Variants in PRSS36 observed in about 807,000 individuals in gnomAD.
PRSS36 encodes polyserase-2.
PRSS36 carries 90 observed loss-of-function variants against 94.3 expected under a neutral mutation model. The ratio of observed to expected loss-of-function variants is 0.95; its 90% CI spans 0.80 to 1.14. The LOEUF (loss-of-function observed/expected upper bound fraction) is 1.14, where lower values mean the gene tolerates loss of function less well. Among genes scored for constraint, PRSS36 ranks in the 50% most tolerant of loss-of-function variants. The probability of loss-of-function intolerance (pLI) is 0.00; values close to 1 mark genes in which losing one functional copy is unlikely to be tolerated. For missense variants in PRSS36, 1,158 were observed against 1,135.0 expected, an observed-to-expected ratio of 1.02 and a Z score of -0.29; for synonymous variants, 500 against 489.6, an observed-to-expected ratio of 1.02 and a Z score of -0.28.
chr16:31,143,181 C>T (rs917423998), intron 8 of PRSS36, among the ~76,000 whole-genome samples, 161 bp downstream of exon 8: 1 of 152,124 alleles, frequency 6.6e-6, no homozygotes, highest in African/African-American at 2.4e-5. Context: ...CCTCTACCCA[C>T]CCCTGCCAGG....
At position 31,148,298 on chromosome 16, in the gene PRSS36, G is replaced by A. The variant is rs1291134378; in HGVS notation, c.553+97C>T. On this transcript the variant is annotated intron_variant, in intron 5 of 14. Coordinates refer to ENST00000268281, the MANE Select transcript of PRSS36 (RefSeq NM_173502.5). The stretch of plus-strand genomic sequence containing the variant: ...CCCTCCAACGCTCCCCGCAGGCTCC[G>A]CTCCGTGGCCCCACCTCCTGAGGCC... The A allele has an allele frequency of 4.5e-6, 6 of 1,338,288 alleles. No individual in the cohort carries two copies. The Admixed American group carries it at 1.1e-4, about 25-fold the overall frequency. 82.9% of individuals were successfully genotyped at this position (1,338,288 alleles called of 1,614,324 possible).
Position 31,149,125 on chromosome 16 carries a change from C to A in PRSS36, c.220G>T (p.Gly74Cys). Reference protein sequence around the residue: ...LHHGGGHICGGSLIAPSWVLS... With the variant: ...LHHGGGHICGCSLIAPSWVLS... ...ACCCAGGAGGGGGCGATGAGGGAGC[C>A]CCCGCAGATGTGGCCACCTCCATGG... is the stretch of plus-strand genomic sequence containing the variant. The change falls in exon 4 of 15, where the codon GGC (glycine) becomes TGC (cysteine). Residue 74 changes from glycine (G) to cysteine (C), a missense_variant. Gly to Cys is a radical substitution (Grantham distance 159). Coordinates refer to ENST00000268281, the MANE Select transcript of PRSS36 (RefSeq NM_173502.5). The A allele has an allele frequency of 6.3e-7, 1 of 1,585,354 alleles. No homozygotes were observed. The highest frequency in any genetic ancestry group is 8.6e-7 in the Non-Finnish European group (1 of 1,167,412).
chr16:31,140,596 C>CG lies in PRSS36; in HGVS notation c.2062dup (p.Arg688ProfsTer51). The CG allele has an allele frequency of 6.2e-7, 1 of 1,607,974 alleles. No individual in the cohort carries two copies. Among genetic ancestry groups the CG allele is most frequent in the Non-Finnish European group, 8.5e-7 (1 of 1,176,862 alleles). On this transcript the variant is annotated frameshift_variant, in exon 13 of 15. Coordinates refer to ENST00000268281, the MANE Select transcript of PRSS36 (RefSeq NM_173502.5). LOFTEE classifies it high-confidence loss of function. ...CAGGGCTGATGGGGAGGGCTCCACCCGGGAGCTCAGCTCCAGGAGGGCCAG... is the reference window on the plus strand; with the variant it reads ...CAGGGCTGATGGGGAGGGCTCCACCCGGGGAGCTCAGCTCCAGGAGGGCCAG...
Position 31,143,448 on chromosome 16 carries a change from C to T in PRSS36, c.994G>A (p.Gly332Arg). The change falls in exon 8 of 15, where the codon GGG becomes AGG. Residue 332 changes from glycine (G) to arginine (R), a missense_variant. Physicochemically the swap from Gly to Arg is moderately radical, Grantham distance 125. Transcript: ENST00000268281. ...ACCTGGGCCTCCCAGGGCCAGGCCC[C>T]TGGCCGCGGGGCCTTCCCGCACTCT... The part of the protein sequence containing the change: ...LPECGKAPRP[G>R]AWPWEAQVMV... 1 of 1,610,902 alleles carries T rather than the reference C, an allele frequency of 6.2e-7. No homozygotes were observed. The highest frequency in any genetic ancestry group is 1.1e-5 in the South Asian group (1 of 90,814).
In PRSS36 at chr16:31,139,261, G is replaced by A. The variant is rs2057640441; in HGVS notation, c.2445C>T (p.Pro815=). Residue 815 remains proline, a synonymous_variant, in exon 15 of 15, where the codon CCC becomes CCT. Transcript: ENST00000268281. ...QTVGEANFLP[P]SGSPHWPTGG... ...CAGTGGGCCAGTGTGGGGAGCCACTGGGGGGCAGGAAGTTGGCCTCTCCCA... is the reference window on the plus strand; with the variant it reads ...CAGTGGGCCAGTGTGGGGAGCCACTAGGGGGCAGGAAGTTGGCCTCTCCCA... The A allele has an allele frequency of 2.5e-6, 4 of 1,614,134 alleles. No individual in the cohort carries two copies. Among genetic ancestry groups the A allele is most frequent in the Admixed American group, 1.7e-5 (1 of 60,014 alleles).
In PRSS36 at chr16:31,145,197, G is replaced by A. The variant is rs555186535; in HGVS notation, c.720+592C>T. The stretch of plus-strand genomic sequence containing the variant: ...ATCCTGGCTAACCTGGTGAAATCCC[G>A]TGTCTACTAAAAATACAAAAAAAAA... On this transcript the variant is annotated intron_variant, in intron 6 of 14. Coordinates refer to ENST00000268281, the MANE Select transcript of PRSS36 (RefSeq NM_173502.5). Among the ~76,000 whole-genome samples the A allele has an allele frequency of 2.6e-4, 40 of 151,390 alleles. 1 individual carries two copies. In the Middle Eastern group the frequency reaches 0.02, roughly 77 times the overall value.
Position 31,139,168 on chromosome 16 carries a change from C to T in PRSS36, c.2538G>A (p.Leu846=). The change falls in exon 15 of 15, where the codon CTG becomes CTA. Residue 846 remains leucine (L), a synonymous_variant. Coordinates refer to ENST00000268281, the MANE Select transcript of PRSS36 (RefSeq NM_173502.5). ...TCTGGATCAGGAGAGTCAGCAGGAGCAGGAAGTAGACTGCATGCGGGGATC... is the reference window on the plus strand; with the variant it reads ...TCTGGATCAGGAGAGTCAGCAGGAGTAGGAAGTAGACTGCATGCGGGGATC... The part of the protein sequence containing the change: ...ASGSPHAVYF[L]LLLTLLIQS 6.3e-7 allele frequency: 1 copy of T among 1,584,716 alleles called. No individual in the cohort carries two copies. Among genetic ancestry groups the T allele is most frequent in the Non-Finnish European group, 8.6e-7 (1 of 1,162,566 alleles).
chr16:31,148,830 G>A (rs1878590170), intron 4 of PRSS36, 155 bp from the exon 5 acceptor site: 2 of 1,075,472 alleles, frequency 1.9e-6, no homozygotes, highest in Non-Finnish European at 2.7e-6. Context: ...CCGATTTGGA[G>A]CTGGTGGTGG....
Position 31,149,232 on chromosome 16 carries a change from C to G in PRSS36, c.113G>C (p.Cys38Ser). 1 of 1,554,912 alleles carries G rather than the reference C, an allele frequency of 6.4e-7. No individual in the cohort carries two copies. The change falls in exon 4 of 15, where the codon TGC becomes TCC. Residue 38 changes from cysteine (C) to serine (S), a missense_variant. Coordinates refer to ENST00000268281, the MANE Select transcript of PRSS36 (RefSeq NM_173502.5). The part of the protein sequence containing the change: ...PTQEEPEDLD[C>S]GRPEPSARIV... ...GCGGGCCGAGGGCTCAGGGCGCCCG[C>G]AGTCTGCAACGGGGAGCCGTGGAAG...
chr16:31,148,271 T>C, intron 5 of PRSS36, 124 bp downstream of exon 5: 1 of 1,077,214 alleles, frequency 9.3e-7, no homozygotes, highest in Non-Finnish European at 1.3e-6. Context: ...CGCAGAAACC[T>C]ACCCTCCAAC....
rs1219216295 is a variant in PRSS36, at chr16:31,142,841, G to A, written c.1253C>T (p.Thr418Met). The change falls in exon 9 of 15, where the codon ACG becomes ATG. Residue 418 changes from threonine to methionine, a missense_variant. By Grantham distance (81) the Thr-to-Met change is moderately conservative. Coordinates refer to ENST00000268281, the MANE Select transcript of PRSS36 (RefSeq NM_173502.5). ...ASDLALLQLR[T>M]PVNLSAASRP... ...CGAAGCCGCGCTCAGGTTCACGGGC[G>A]TGCGCAGCTGCAGCAGCGCCAGGTC... 3.2e-6 allele frequency: 5 copies of A among 1,554,432 alleles called. No individual in the cohort carries two copies. Among genetic ancestry groups the A allele is most frequent in the East Asian group, 2.6e-5 (1 of 38,974 alleles).
chr16:31,148,993 G>A, intron 4 of PRSS36, 80 bp downstream of exon 4: 1 of 1,384,892 alleles, frequency 7.2e-7, no homozygotes, highest in Non-Finnish European at 9.7e-7. Flanking sequence ...GGACGGAAGT[G>A]GGGCGGGAGG....
In PRSS36 at chr16:31,140,199, A is replaced by AG. The variant is rs974458823; in HGVS notation, c.2289+94_2289+95insC. The AG allele has an allele frequency of 5.0e-3, 5,988 of 1,194,142 alleles. 1 individual carries two copies. The highest frequency in any genetic ancestry group is 6.3e-3 in the South Asian group (338 of 53,528). The allele number at this position is 1,194,142 out of a possible 1,614,324, so 74.0% of individuals were successfully genotyped here. A position where few individuals can be genotyped will look rare whatever the true frequency, so the allele number is the denominator to read the frequency against. ...AGTGAGACTCTGTCTCAAAAAAAAA[A>AG]AAAAAAAAAAATTCCAATTCTGCTA... On this transcript the variant is annotated intron_variant, in intron 14 of 14. Transcript: ENST00000268281.
intron 12 of PRSS36, among the ~76,000 whole-genome samples, chr16:31,141,258 G>A (rs1306036006): frequency 6.6e-6 from 1 of 152,136 alleles, no homozygotes; most frequent in African/African-American, 2.4e-5. Flanking sequence ...ACTATTTTAA[G>A]AGTCCTTTGG....
In PRSS36 at chr16:31,143,253, C is replaced by A; in HGVS notation, c.1100+89G>T. The A allele has an allele frequency of 1.3e-5, 19 of 1,506,920 alleles. No individual in the cohort carries two copies. In the South Asian group the frequency reaches 2.3e-4, roughly 18 times the overall value. 93.3% of individuals were successfully genotyped at this position (1,506,920 alleles called of 1,614,324 possible). A position where few individuals can be genotyped will look rare whatever the true frequency, so the allele number is the denominator to read the frequency against. ...CGAATGGGACCCCGCCCCCCCCACACCCCCTGGGGAGGGGCTGGGGCCGAA... is the reference window on the plus strand; with the variant it reads ...CGAATGGGACCCCGCCCCCCCCACAACCCCTGGGGAGGGGCTGGGGCCGAA... On this transcript the variant is annotated intron_variant, in intron 8 of 14. Coordinates refer to ENST00000268281, the MANE Select transcript of PRSS36 (RefSeq NM_173502.5).
In PRSS36 at chr16:31,142,535, C is replaced by T; in HGVS notation, c.1467G>A (p.Pro489=). ...QGAAVPLPGD[P]PHALCPAYQE... is the part of the protein sequence containing the mutation. ...GGTAGGCAGGGCAGAGCGCGTGCGG[C>T]GGGTCTCCGGGCAGCGGTACTGCCG... The change falls in exon 10 of 15, where the codon CCG becomes CCA. Residue 489 remains proline (P), a synonymous_variant. Transcript: ENST00000268281. The T allele has an allele frequency of 1.3e-6, 2 of 1,515,678 alleles. No individual in the cohort carries two copies. Among genetic ancestry groups the T allele is most frequent in the Non-Finnish European group, 1.8e-6 (2 of 1,134,842 alleles). The allele number at this position is 1,515,678 out of a possible 1,614,324, so 93.9% of individuals were successfully genotyped here.
chr16:31,144,136 C>G (rs905036689), intron 6 of PRSS36, among the ~76,000 whole-genome samples: 2 of 151,692 alleles, frequency 1.3e-5, no homozygotes, highest in Admixed American at 1.3e-4. Flanking sequence ...TAATTCCCCT[C>G]CCTCCCTTCC....
chr16:31,143,272 G>C (rs2057743497), intron 8 of PRSS36, 70 bp downstream of exon 8: 2 of 1,526,124 alleles, frequency 1.3e-6, no homozygotes, highest in Non-Finnish European at 8.8e-7. Flanking sequence ...GAGGGGCTGG[G>C]GCCGAATGGA....
chr16:31,143,798 G>T lies in PRSS36; in HGVS notation c.760C>A (p.Arg254Ser). 1.2e-6 allele frequency: 2 copies of T among 1,613,912 alleles called. No individual in the cohort carries two copies. The highest frequency in any genetic ancestry group is 1.7e-6 in the Non-Finnish European group (2 of 1,180,028). ...CTGGTGATTCCTGCCTGGAACCAGC[G>T]GCCGCCTTCCTCACAGACCAGGGGC... Reference protein sequence around the residue: ...GGPLVCEEGGRWFQAGITSFG... With the variant: ...GGPLVCEEGGSWFQAGITSFG... The change falls in exon 7 of 15, where the codon CGC becomes AGC. Residue 254 changes from arginine to serine, a missense_variant. Arg to Ser is a moderately radical substitution (Grantham distance 110). Coordinates refer to ENST00000268281, the MANE Select transcript of PRSS36 (RefSeq NM_173502.5).
Sources: gnomAD v4.1 joint callset for allele counts (sites outside exome capture counted in the v4.1 genomes callset) on GRCh38, gnomAD v4.1.1 for gene constraint, MANE v1.5 for transcripts, NCBI Gene and HGNC (gene_info 2026-07-23, HGNC 2026-07-21) for gene names.